RALB: variants seen among roughly 807,000 people sequenced by gnomAD.
The protein encoded by RALB is RAS like proto-oncogene B, also known as ras-related protein Ral-B.
Under a neutral mutation model 21.3 loss-of-function variants are expected in RALB, and 16 were observed. The observed-to-expected ratio is 0.75, with a 90% confidence interval of 0.51 to 1.14. The LOEUF (loss-of-function observed/expected upper bound fraction) is 1.14. Among genes scored for constraint, RALB ranks in the 50% most tolerant of loss-of-function variants. RALB has a pLI of 0.00. For missense variants in RALB, 161 were observed against 256.2 expected (o/e 0.63, Z 2.54); for synonymous variants, 93 against 96.1 (o/e 0.97, Z 0.19).
intron 1 of RALB, among the ~76,000 whole-genome samples, chr2:120,255,201 C>A (rs1265829160): frequency 2.6e-5 from 4 of 152,160 alleles, no homozygotes; most frequent in Non-Finnish European, 5.9e-5. Context: ...AGGAGTCCCA[C>A]TTTTCCTTGG....
At chr2:120,278,322 G>C (rs1689897310) in intron 1 of RALB, among the ~76,000 whole-genome samples, 1 of 138,226 alleles carries the variant, frequency 7.2e-6, no homozygotes, top group Non-Finnish European at 1.6e-5. Flanking sequence ...GTGAGGCCCT[G>C]CTGAGGGTCT....
intron 1 of RALB, among the ~76,000 whole-genome samples, chr2:120,273,039 G>C (rs893337412): frequency 6.6e-6 from 1 of 152,088 alleles, no homozygotes; most frequent in Admixed American, 6.6e-5. Flanking sequence ...CTGTGTCATC[G>C]CCCGTTGGGT....
intron 1 of RALB, among the ~76,000 whole-genome samples, chr2:120,271,156 A>G (rs1356417976): frequency 6.6e-6 from 1 of 152,224 alleles, no homozygotes; most frequent in East Asian, 1.9e-4. Flanking sequence ...GCTCAAGCTT[A>G]ATAAAAGACT....
At chr2:120,247,617 A>G (rs1688991955) in intron 1 of RALB, among the ~76,000 whole-genome samples, 1 of 152,256 alleles carries the variant, frequency 6.6e-6, no homozygotes, top group African/African-American at 2.4e-5. Context: ...CAGTTTAGTG[A>G]CAATGACTAA....
chr2:120,276,352 G>A (rs1573344945), intron 1 of RALB, among the ~76,000 whole-genome samples: 1 of 152,158 alleles, frequency 6.6e-6, no homozygotes. Flanking sequence ...TGTAGTCCCA[G>A]CATTTTGGGA....
rs142052645 is a variant in RALB at position 120,293,261 on chromosome 2, G to A, written c.*1G>A. ...TAAAGAAAGATGTTGCTTACTATGA[G>A]TGTCAAGGTGACGGATGAAGCCAGC... is the stretch of plus-strand genomic sequence containing the variant. On this transcript the variant is annotated 3_prime_UTR_variant, in exon 5 of 5. Coordinates refer to ENST00000272519, the MANE Select transcript of RALB (RefSeq NM_002881.3). 83 of 1,610,416 alleles carry A rather than the reference G, an allele frequency of 5.2e-5. No individual in the cohort carries two copies. The African/African-American group carries it at 8.7e-4, about 17-fold the overall frequency.
intron 1 of RALB, among the ~76,000 whole-genome samples, chr2:120,276,809 G>C (rs941912467): frequency 6.6e-6 from 1 of 152,118 alleles, no homozygotes. Context: ...ATTCCTGCAA[G>C]GTAGGTGGTG....
At chr2:120,251,472 A>G (rs1390419529), upstream of RALB, among the ~76,000 whole-genome samples, 1 of 152,202 alleles carries the variant, frequency 6.6e-6, no homozygotes, top group East Asian at 1.9e-4. Context: ...AGGTGCTGCT[A>G]TTGGGCAGCT....
intron 1 of RALB, among the ~76,000 whole-genome samples, chr2:120,257,459 C>T (rs1689227338): frequency 6.6e-6 from 1 of 152,174 alleles, no homozygotes; most frequent in African/African-American, 2.4e-5. Context: ...GAGCCTGAGC[C>T]TGGCTAAATG....
At chr2:120,285,094 C>T (rs1473371788) in intron 2 of RALB, among the ~76,000 whole-genome samples, 1 of 152,114 alleles carries the variant, frequency 6.6e-6, no homozygotes, top group Non-Finnish European at 1.5e-5. Context: ...AGCCTCTTTT[C>T]TTCCACAGGG....
intron 4 of RALB, 72 bp downstream of exon 4, chr2:120,289,829 G>A (rs1690265792): frequency 7.2e-7 from 1 of 1,395,318 alleles, no homozygotes; most frequent in Admixed American, 3.0e-5. Context: ...CTCATCTGCT[G>A]GGTTTTAGGG....
chr2:120,277,423 TAGAGCCTC>T (rs1174749081), intron 1 of RALB, among the ~76,000 whole-genome samples: 2 of 150,622 alleles, frequency 1.3e-5, no homozygotes, highest in African/African-American at 4.9e-5. Flanking sequence ...ATGTGCATGT[TAGAGCCTC>T]TGAGCCTGTG....
rs547733377 is a variant in RALB, at chr2:120,288,342, G to GTTTTTTTTTTTTTTTTTTTTTTTTTTTTT, written c.324-1227_324-1226insTTTTTTTTTTTTTTTTTTTTTTTTTTTTT. On this transcript the variant is annotated intron_variant, in intron 3 of 4. Coordinates refer to ENST00000272519, the MANE Select transcript of RALB (RefSeq NM_002881.3). The stretch of plus-strand genomic sequence containing the variant: ...TTAAATTGACTACATGAAAATTTTA[G>GTTTTTTTTTTTTTTTTTTTTTTTTTTTTT]TTTTTTTTTTTGTTTTTTTTTTTGT... Among the ~76,000 whole-genome samples the GTTTTTTTTTTTTTTTTTTTTTTTTTTTTT allele has an allele frequency of 5.1e-5, 6 of 117,092 alleles. 2 individuals are homozygous for GTTTTTTTTTTTTTTTTTTTTTTTTTTTTT. The highest frequency in any genetic ancestry group is 2.7e-4 in the South Asian group (1 of 3,714). The allele number at this position is 117,092 out of a possible 152,430, so 76.8% of individuals were successfully genotyped here. A position where few individuals can be genotyped will look rare whatever the true frequency, so the allele number is the denominator to read the frequency against.
At chr2:120,287,519 A>G (rs113223213) in intron 3 of RALB, among the ~76,000 whole-genome samples, 89 of 152,370 alleles carry the variant, frequency 5.8e-4, no homozygotes, top group African/African-American at 2.0e-3. Flanking sequence ...AAAACAGGAC[A>G]GATGCACACA....
At chr2:120,242,986 T>C (rs902835054) in intron 1 of RALB, among the ~76,000 whole-genome samples, 1 of 152,156 alleles carries the variant, frequency 6.6e-6, no homozygotes. Flanking sequence ...CAAATTGGCA[T>C]GGTGCCCTTG....
intron 3 of RALB, among the ~76,000 whole-genome samples, chr2:120,287,716 G>A (rs779805399): frequency 9.9e-5 from 15 of 152,218 alleles, no homozygotes; most frequent in Non-Finnish European, 1.2e-4. Context: ...TCACAGAGTT[G>A]GAGCAGGGCT....
intron 1 of RALB, among the ~76,000 whole-genome samples, chr2:120,242,068 G>A (rs1280659487): frequency 1.3e-5 from 2 of 152,206 alleles, no homozygotes; most frequent in Non-Finnish European, 2.9e-5. Flanking sequence ...GTGATGGAAT[G>A]ATCCCTCAGC....
intron 1 of RALB, among the ~76,000 whole-genome samples, chr2:120,242,771 T>G (rs1465084526): frequency 6.6e-6 from 1 of 151,794 alleles, no homozygotes; most frequent in Non-Finnish European, 1.5e-5. Context: ...ATTTTAAAAT[T>G]AAAACAAAAC....
chr2:120,266,865 G>A (rs957509396), intron 1 of RALB, among the ~76,000 whole-genome samples: 2 of 152,150 alleles, frequency 1.3e-5, no homozygotes, highest in African/African-American at 4.8e-5. Flanking sequence ...AAGATGAATG[G>A]GCTTGAAGTT....
Sources: allele counts gnomAD v4.1 joint callset (sites outside exome capture counted in the v4.1 genomes callset), GRCh38; gene constraint gnomAD v4.1.1; transcripts MANE v1.5; gene names NCBI Gene and HGNC (gene_info 2026-07-23, HGNC 2026-07-21).